CSMD1: variants seen among roughly 807,000 people sequenced by gnomAD.
CSMD1 encodes CUB and sushi domain-containing protein 1.
Under a neutral mutation model 417.5 loss-of-function variants are expected in CSMD1, and 213 were observed. The ratio of observed to expected loss-of-function variants is 0.51; its 90% CI spans 0.46 to 0.57. The LOEUF (loss-of-function observed/expected upper bound fraction) is 0.57. CSMD1 is among the 20% of genes least tolerant of loss of function. The pLI is 0.00. For synonymous variants in CSMD1, 2,862 were observed against 1,736.8 expected (o/e 1.65, Z -16.11); for missense variants, 6,923 against 4,529.7 (o/e 1.53, Z -15.17).
intron 5 of CSMD1, among the ~76,000 whole-genome samples, chr8:3,949,272 T>A (rs2740868): frequency 6.6e-6 from 1 of 152,014 alleles, no homozygotes; most frequent in East Asian, 1.9e-4. Context: ...ACTACAGCTA[T>A]CATGTTGTAC....
intron 4 of CSMD1, among the ~76,000 whole-genome samples, chr8:4,004,500 G>A (rs955607071): frequency 6.7e-6 from 1 of 148,666 alleles, no homozygotes. Flanking sequence ...CTGGATTTTT[G>A]TGTTATATTC....
chr8:3,568,348 T>C (rs552816610), intron 10 of CSMD1, among the ~76,000 whole-genome samples: 1 of 152,302 alleles, frequency 6.6e-6, no homozygotes, highest in East Asian at 1.9e-4. Context: ...AATATTTCAT[T>C]GTGCTTGTAT....
chr8:4,389,731 G>C (rs373950322), intron 3 of CSMD1, among the ~76,000 whole-genome samples: 14 of 151,778 alleles, frequency 9.2e-5, no homozygotes, highest in African/African-American at 2.9e-4. Flanking sequence ...TTTAAAATTG[G>C]CATGAGTAGT....
Position 3,265,432 on chromosome 8 carries a change from A to G in CSMD1, c.4153+18712T>C, listed in dbSNP as rs1801364514. On this transcript the variant is annotated intron_variant, in intron 26 of 69. Coordinates refer to ENST00000635120, the MANE Select transcript of CSMD1 (RefSeq NM_033225.6). ...TAAGAATCATATTAAATGGGTCGTT[A>G]TTTACTCTCAGGGATCAGAGACGTT... is the stretch of plus-strand genomic sequence containing the variant. 5.3e-5 allele frequency among the ~76,000 whole-genome samples: 8 copies of G among 152,240 alleles called. No individual in the cohort carries two copies. In the South Asian group the frequency reaches 1.2e-3, roughly 24 times the overall value.
rs188780093 is a variant in CSMD1 at position 3,682,426 on chromosome 8, C to G, written c.1009+25988G>C. Among the ~76,000 whole-genome samples the G allele has an allele frequency of 3.3e-5, 5 of 152,214 alleles. No individual in the cohort carries two copies. The East Asian group carries it at 7.7e-4, about 24-fold the overall frequency. On this transcript the variant is annotated intron_variant, in intron 7 of 69. Coordinates refer to ENST00000635120, the MANE Select transcript of CSMD1 (RefSeq NM_033225.6). ...CAAAAGATGACCTTTATGCAGCCAACAGACACATGAAAAAATGCTCATCAT... is the reference window on the plus strand; with the variant it reads ...CAAAAGATGACCTTTATGCAGCCAAGAGACACATGAAAAAATGCTCATCAT...
intron 3 of CSMD1, among the ~76,000 whole-genome samples, chr8:4,160,111 G>GA (rs1252645444): frequency 2.1e-4 from 1 of 4,690 alleles, no homozygotes; most frequent in East Asian, 0.071. Context: ...AAGCACTGAG[G>GA]ACATTAAAAA....
intron 3 of CSMD1, among the ~76,000 whole-genome samples, chr8:4,405,866 A>G (rs1383525938): frequency 6.6e-6 from 1 of 152,184 alleles, no homozygotes; most frequent in Non-Finnish European, 1.5e-5. Flanking sequence ...TCACCACTTT[A>G]GAAATGCATG....
intron 1 of CSMD1, among the ~76,000 whole-genome samples, chr8:4,714,080 G>C (rs1033607932): frequency 1.3e-5 from 2 of 152,068 alleles, no homozygotes; most frequent in African/African-American, 2.4e-5. Flanking sequence ...GGGAGACAGA[G>C]GTTGCAGTGA....
rs143139565 is a variant in CSMD1 at position 3,380,683 on chromosome 8, G to T, written c.2782+6811C>A. ...ATGTTCTCACTCATAAGAGGGAGCT[G>T]AACAATGAGAACACATGGACACAGG... On this transcript the variant is annotated intron_variant, in intron 18 of 69. Transcript: ENST00000635120. 5.6e-3 allele frequency among the ~76,000 whole-genome samples: 851 copies of T among 152,232 alleles called. 8 individuals carry two copies. The highest frequency in any genetic ancestry group is 0.02 in the African/African-American group (811 of 41,534).
chr8:4,212,492 G>A lies in CSMD1; in HGVS notation c.416-180393C>T, dbSNP rs190601904. The stretch of plus-strand genomic sequence containing the variant: ...TCCTTTCAGACTGGCAGATGGAAGC[G>A]ATCCTAAAGCTTATTTAGATTAGAC... On this transcript the variant is annotated intron_variant, in intron 3 of 69. Coordinates refer to ENST00000635120, the MANE Select transcript of CSMD1 (RefSeq NM_033225.6). 4.2e-4 allele frequency among the ~76,000 whole-genome samples: 64 copies of A among 151,972 alleles called. 1 individual carries two copies. The highest frequency in any genetic ancestry group is 1.5e-3 in the East Asian group (8 of 5,178).
chr8:3,637,993 A>T (rs1190461459), intron 7 of CSMD1, among the ~76,000 whole-genome samples: 1 of 152,200 alleles, frequency 6.6e-6, no homozygotes, highest in Non-Finnish European at 1.5e-5. Flanking sequence ...AGTTATGTGG[A>T]ACCATGAGTC....
At chr8:4,555,592 G>A (rs771977298) in intron 2 of CSMD1, among the ~76,000 whole-genome samples, 1 of 152,066 alleles carries the variant, frequency 6.6e-6, no homozygotes, top group Non-Finnish European at 1.5e-5. Flanking sequence ...CTCACTTTGG[G>A]TTTCAGCAGC....
At chr8:3,996,275 C>A (rs1289214132) in intron 5 of CSMD1, among the ~76,000 whole-genome samples, 1 of 152,096 alleles carries the variant, frequency 6.6e-6, no homozygotes, top group Non-Finnish European at 1.5e-5. Context: ...AGACCTTTAA[C>A]TTTAAGCATA....
At chr8:4,830,650 G>C (rs373016831) in intron 1 of CSMD1, among the ~76,000 whole-genome samples, 4 of 152,186 alleles carry the variant, frequency 2.6e-5, no homozygotes, top group South Asian at 2.1e-4. Context: ...ATTGCTAAGA[G>C]GTCACAGAAA....
At chr8:3,912,393 T>C (rs551953958) in intron 5 of CSMD1, among the ~76,000 whole-genome samples, 26 of 152,286 alleles carry the variant, frequency 1.7e-4, no homozygotes, top group African/African-American at 5.8e-4. Context: ...TCTAGCCAAT[T>C]TGGGTGCAGG....
rs188630351 is a variant in CSMD1 at position 4,182,895 on chromosome 8, T to C, written c.416-150796A>G. On this transcript the variant is annotated intron_variant, in intron 3 of 69. Transcript: ENST00000635120. The stretch of plus-strand genomic sequence containing the variant: ...CAGAGTCTAGAACTGTATGTTTGAA[T>C]GGGAGAATGTAATTGAAGACGGTGG... Among the ~76,000 whole-genome samples, 6 of 152,218 alleles carry C rather than the reference T, an allele frequency of 3.9e-5. No homozygotes were observed. The East Asian group carries it at 7.7e-4, about 20-fold the overall frequency.
intron 2 of CSMD1, among the ~76,000 whole-genome samples, chr8:4,496,882 G>A (rs919122058): frequency 2.0e-5 from 3 of 152,124 alleles, no homozygotes; most frequent in African/African-American, 2.4e-5. Flanking sequence ...TCTTTCCCAG[G>A]CTTTCCAGAC....
intron 6 of CSMD1, among the ~76,000 whole-genome samples, chr8:3,741,824 C>A (rs1796820464): frequency 6.6e-6 from 1 of 152,108 alleles, no homozygotes; most frequent in African/African-American, 2.4e-5. Flanking sequence ...CTTTCTTTCT[C>A]AAATGTGCTC....
At chr8:3,509,068 T>C (rs1463055225) in intron 10 of CSMD1, among the ~76,000 whole-genome samples, 1 of 152,162 alleles carries the variant, frequency 6.6e-6, no homozygotes, top group Non-Finnish European at 1.5e-5. Flanking sequence ...CATGTGCCAG[T>C]TTCCTCCTCT....
Sources: allele counts gnomAD v4.1 joint callset (sites outside exome capture counted in the v4.1 genomes callset), GRCh38; gene constraint gnomAD v4.1.1; transcripts MANE v1.5; gene names NCBI Gene and HGNC (gene_info 2026-07-23, HGNC 2026-07-21).